Variants in ETHE1 observed in about 807,000 individuals in gnomAD.
ETHE1 encodes the protein ETHE1 persulfide dioxygenase, also known as persulfide dioxygenase ETHE1, mitochondrial.
A neutral mutation model predicts 25.7 loss-of-function variants in ETHE1; 16 were observed. The ratio of observed to expected loss-of-function variants is 0.62; its 90% CI spans 0.42 to 0.95. The LOEUF (loss-of-function observed/expected upper bound fraction) is 0.95. Ranked by LOEUF, ETHE1 falls within the 40% of genes least tolerant of loss-of-function variation. The pLI, the probability that ETHE1 is intolerant of heterozygous loss-of-function variation, is 0.00. For synonymous variants in ETHE1, 139 were observed against 135.9 expected (o/e 1.02, Z -0.16); for missense variants, 300 against 333.6 (o/e 0.90, Z 0.79).
intron 3 of ETHE1, among the ~76,000 whole-genome samples, chr19:43,512,022 T>G (rs1196436859): frequency 6.6e-6 from 1 of 152,184 alleles, no homozygotes. Context: ...CACTCTCTCT[T>G]GCCTGCTGCC....
chr19:43,519,974 G>A (rs1170967317), intron 3 of ETHE1, among the ~76,000 whole-genome samples: 2 of 151,576 alleles, frequency 1.3e-5, no homozygotes, highest in South Asian at 4.1e-4. Flanking sequence ...AGCTACTTGG[G>A]AGGCTGAGGC....
intron 5 of ETHE1, 55 bp from the exon 6 acceptor site, chr19:43,508,115 C>T: frequency 1.9e-6 from 3 of 1,606,106 alleles, no homozygotes; most frequent in Non-Finnish European, 2.5e-6. Context: ...TCAGGCCTCT[C>T]AGAACTACAT....
chr19:43,511,621 C>T, intron 3 of ETHE1, 55 bp from the exon 4 acceptor site: 1 of 1,596,618 alleles, frequency 6.3e-7, no homozygotes, highest in Non-Finnish European at 8.5e-7. Flanking sequence ...CTAGATGAAA[C>T]TGGCCCCCAA....
intron 4 of ETHE1, among the ~76,000 whole-genome samples, chr19:43,510,633 CTT>C (rs1314805296): frequency 2.2e-5 from 2 of 91,286 alleles, no homozygotes; most frequent in Non-Finnish European, 4.1e-5. Context: ...ATGCCCAGCC[CTT>C]TGTTTTTTTT....
Position 43,526,534 on chromosome 19 carries a change from C to A in ETHE1, c.207G>T (p.Gly69=), listed in dbSNP as rs1262384675. The change falls in exon 2 of 7, where the codon GGG becomes GGT. Residue 69 remains glycine, a synonymous_variant. Coordinates refer to ENST00000292147, the MANE Select transcript of ETHE1 (RefSeq NM_014297.5). The part of the protein sequence containing the change: ...PRDAQLIKEL[G]LRLLYAVNTH... ...ACTGACCAGCATAGAGCAGCCGCAGCCCCAGCTCCTTGATCAGCTGGGCAT... is the reference window on the plus strand; with the variant it reads ...ACTGACCAGCATAGAGCAGCCGCAGACCCAGCTCCTTGATCAGCTGGGCAT... 1.2e-6 allele frequency: 2 copies of A among 1,613,614 alleles called. No individual in the cohort carries two copies. Among genetic ancestry groups the A allele is most frequent in the South Asian group, 2.2e-5 (2 of 90,992 alleles).
Position 43,526,228 on chromosome 19 carries a change from A to G in ETHE1, c.348T>C (p.Asp116=), listed in dbSNP as rs764719998. 2 of 1,614,142 alleles carry G rather than the reference A, an allele frequency of 1.2e-6. No individual in the cohort carries two copies. Among genetic ancestry groups the G allele is most frequent in the South Asian group, 1.1e-5 (1 of 91,084 alleles). The change falls in exon 3 of 7, where the codon GAT becomes GAC. Residue 116 remains aspartate (D), a synonymous_variant. Coordinates refer to ENST00000292147, the MANE Select transcript of ETHE1 (RefSeq NM_014297.5). ...SGAQADLHIE[D]GDSIRFGRFA... is the part of the protein sequence containing the mutation. ...AGCGCCCGAAGCGGATGGAGTCTCCATCCTCAATGTGTAAGTCAGCCTGGG... is the reference window on the plus strand; with the variant it reads ...AGCGCCCGAAGCGGATGGAGTCTCCGTCCTCAATGTGTAAGTCAGCCTGGG...
intron 6 of ETHE1, among the ~76,000 whole-genome samples, chr19:43,507,210 C>A (rs1971792977): frequency 9.1e-6 from 1 of 110,468 alleles, no homozygotes; most frequent in Non-Finnish European, 1.9e-5. Flanking sequence ...TCCCCCAGCC[C>A]CTCCTCCCTC....
chr19:43,526,745 C>A, intron 1 of ETHE1, 86 bp from the exon 2 acceptor site: 1 of 1,599,810 alleles, frequency 6.3e-7, no homozygotes, highest in East Asian at 2.3e-5. Flanking sequence ...CTATCCTCTT[C>A]CTAAGATCCA....
At chr19:43,519,905 TAAC>T (rs1226993159) in intron 3 of ETHE1, among the ~76,000 whole-genome samples, 1 of 152,006 alleles carries the variant, frequency 6.6e-6, no homozygotes, top group African/African-American at 2.4e-5. Context: ...AAATCAATAA[TAAC>T]TAATAATAAA....
At position 43,526,210 on chromosome 19, in the gene ETHE1, G is replaced by A. The variant is rs1972241332; in HGVS notation, c.366C>T (p.Phe122=). 2.5e-6 allele frequency: 4 copies of A among 1,614,110 alleles called. No homozygotes were observed. Among genetic ancestry groups the A allele is most frequent in the Non-Finnish European group, 3.4e-6 (4 of 1,180,016 alleles). ...CCAGCACCCAACTCACGAAGCGCCC[G>A]AAGCGGATGGAGTCTCCATCCTCAA... The part of the protein sequence containing the change: ...LHIEDGDSIR[F]GRFALETRAS... Residue 122 remains phenylalanine (F), a synonymous_variant, in exon 3 of 7, where the codon TTC becomes TTT. Transcript: ENST00000292147.
chr19:43,509,754 C>T (rs187497262), intron 4 of ETHE1, among the ~76,000 whole-genome samples: 362 of 152,222 alleles, frequency 2.4e-3, no homozygotes, highest in Non-Finnish European at 4.0e-3. Context: ...CAAGATTGCA[C>T]CACTGCACTC....
intron 3 of ETHE1, among the ~76,000 whole-genome samples, chr19:43,519,168 T>C (rs1972091290): frequency 1.3e-5 from 2 of 151,598 alleles, no homozygotes; most frequent in South Asian, 4.2e-4. Flanking sequence ...CGTGCCACCA[T>C]GCCCGGTTAA....
chr19:43,514,788 G>A (rs1036648277), intron 3 of ETHE1, among the ~76,000 whole-genome samples: 5 of 152,000 alleles, frequency 3.3e-5, no homozygotes, highest in African/African-American at 9.7e-5. Flanking sequence ...CCAGCCTTCA[G>A]GTATGTCTTT....
intron 3 of ETHE1, among the ~76,000 whole-genome samples, chr19:43,512,361 C>T (rs549044109): frequency 4.6e-5 from 7 of 152,138 alleles, no homozygotes; most frequent in South Asian, 2.1e-4. Flanking sequence ...ACCAATATGC[C>T]GAGAGTGATA....
chr19:43,506,929 C>T, intron 6 of ETHE1, 27 bp from the exon 7 acceptor site: 2 of 1,613,310 alleles, frequency 1.2e-6, no homozygotes, highest in Non-Finnish European at 1.7e-6. Context: ...AAGGTTAAAA[C>T]TAAGGGGCCT....
intron 3 of ETHE1, chr19:43,525,933 C>T: frequency 3.7e-6 from 2 of 543,468 alleles, no homozygotes; most frequent in Non-Finnish European, 6.6e-6. Flanking sequence ...GGCCAAAGGG[C>T]TGCCCCTAAG....
chr19:43,518,700 G>A (rs763601943), intron 3 of ETHE1, among the ~76,000 whole-genome samples: 1 of 143,016 alleles, frequency 7.0e-6, no homozygotes, highest in Non-Finnish European at 1.5e-5. Flanking sequence ...GCAGTGAGCC[G>A]AGATCGCACC....
intron 2 of ETHE1, 39 bp downstream of exon 2, chr19:43,526,476 A>G (rs1445332622): frequency 1.2e-6 from 2 of 1,607,136 alleles, no homozygotes; most frequent in Admixed American, 3.4e-5. Context: ...GCTGCAGCCC[A>G]GCCCCGCTGG....
chr19:43,511,839 G>A (rs2145985770), intron 3 of ETHE1, among the ~76,000 whole-genome samples: 1 of 152,264 alleles, frequency 6.6e-6, no homozygotes, highest in East Asian at 1.9e-4. Flanking sequence ...TGGTTTGGCT[G>A]TGTCCCCACC....
Sources: gnomAD v4.1 joint callset for allele counts (sites outside exome capture counted in the v4.1 genomes callset) on GRCh38, gnomAD v4.1.1 for gene constraint, MANE v1.5 for transcripts, NCBI Gene and HGNC (gene_info 2026-07-23, HGNC 2026-07-21) for gene names.